The following ARHGAP42 variants were observed in gnomAD, a reference collection of about 807,000 sequenced individuals.
ARHGAP42 encodes the protein rho GTPase-activating protein 42.
Under a neutral mutation model 125.0 loss-of-function variants are expected in ARHGAP42, and 63 were observed. The ratio of observed to expected loss-of-function variants is 0.50; its 90% confidence interval spans 0.41 to 0.62. The LOEUF (loss-of-function observed/expected upper bound fraction) is 0.62, where lower values mean the gene tolerates loss of function less well. Ranked by LOEUF, ARHGAP42 falls within the 20% of genes least tolerant of loss-of-function variation. The pLI is 0.00. For synonymous variants in ARHGAP42, 339 were observed against 351.0 expected, an observed-to-expected ratio of 0.97 and a Z score of 0.38; for missense variants, 766 against 1,024.2, an observed-to-expected ratio of 0.75 and a Z score of 3.44.
chr11:100,989,369 A>G lies in ARHGAP42; in HGVS notation c.*568A>G. 2.7e-6 allele frequency: 1 copy of G among 367,286 alleles called. No individual in the cohort carries two copies. The allele number at this position is 367,286 out of a possible 1,614,324, so 22.8% of individuals were successfully genotyped here. ...TTCCAAGTAGATGATAATATTCAAA[A>G]GCAATAATGTATATGATATCTATAA... is the stretch of plus-strand genomic sequence containing the variant. On this transcript the variant is annotated 3_prime_UTR_variant, in exon 24 of 24. Transcript: ENST00000298815.
intron 4 of ARHGAP42, among the ~76,000 whole-genome samples, chr11:100,879,835 A>G (rs1027433855): frequency 6.6e-6 from 1 of 152,022 alleles, no homozygotes; most frequent in Non-Finnish European, 1.5e-5. Flanking sequence ...TTCAGGTGAG[A>G]GGGTCGTTTG....
chr11:100,834,836 T>C lies in ARHGAP42; in HGVS notation c.313-24718T>C, dbSNP rs539181148. Among the ~76,000 whole-genome samples, 333 of 149,404 alleles carry C rather than the reference T, an allele frequency of 2.2e-3. 3 individuals carry two copies. Among genetic ancestry groups the C allele is most frequent in the African/African-American group, 7.7e-3 (315 of 40,730 alleles). On this transcript the variant is annotated intron_variant, in intron 3 of 23. Coordinates refer to ENST00000298815, the MANE Select transcript of ARHGAP42 (RefSeq NM_152432.4). Reference sequence around the variant, plus strand: ...CCTTCTGCTTTGGACAGGGAACTTCTGAGTCCTTTTTTTTTTTTTTTCTTT... The same window carrying C: ...CCTTCTGCTTTGGACAGGGAACTTCCGAGTCCTTTTTTTTTTTTTTTCTTT...
intron 20 of ARHGAP42, 121 bp from the exon 21 acceptor site, chr11:100,976,694 A>G (rs1858399639): frequency 2.3e-6 from 3 of 1,291,870 alleles, no homozygotes; most frequent in African/African-American, 1.5e-5. Context: ...CTCAAAGAAC[A>G]TTCTGTACCT....
chr11:100,716,004 G>A (rs550880381), intron 1 of ARHGAP42, among the ~76,000 whole-genome samples: 7 of 152,314 alleles, frequency 4.6e-5, no homozygotes, highest in African/African-American at 1.7e-4. Flanking sequence ...GTACAGGGCA[G>A]CAGGGACAGC....
chr11:100,828,312 T>C (rs1294304125), intron 3 of ARHGAP42, among the ~76,000 whole-genome samples: 1 of 152,138 alleles, frequency 6.6e-6, no homozygotes, highest in African/African-American at 2.4e-5. Flanking sequence ...ACTCTTGTGG[T>C]TTTGCTTAGA....
intron 2 of ARHGAP42, among the ~76,000 whole-genome samples, chr11:100,775,881 C>G (rs927056232): frequency 6.6e-6 from 1 of 151,970 alleles, no homozygotes; most frequent in African/African-American, 2.4e-5. Flanking sequence ...ATATTGTGGC[C>G]GGGTACGGTG....
chr11:100,816,267 A>G (rs1864263445), intron 3 of ARHGAP42, among the ~76,000 whole-genome samples: 1 of 152,148 alleles, frequency 6.6e-6, no homozygotes, highest in South Asian at 2.1e-4. Context: ...CAATCCCACT[A>G]ACAGAGCACA....
intron 1 of ARHGAP42, among the ~76,000 whole-genome samples, chr11:100,713,138 G>C (rs1861593052): frequency 6.6e-6 from 1 of 152,134 alleles, no homozygotes; most frequent in Non-Finnish European, 1.5e-5. Context: ...AACAGATTTA[G>C]GTTTTAAGAT....
intron 3 of ARHGAP42, among the ~76,000 whole-genome samples, chr11:100,827,297 C>A (rs1864542323): frequency 6.6e-6 from 1 of 152,156 alleles, no homozygotes; most frequent in Admixed American, 6.5e-5. Context: ...GCCACAACGT[C>A]CGGCCAAGCC....
chr11:100,718,009 A>C (rs1473357092), intron 1 of ARHGAP42, among the ~76,000 whole-genome samples: 1 of 152,146 alleles, frequency 6.6e-6, no homozygotes, highest in Non-Finnish European at 1.5e-5. Context: ...TTTTATAAGT[A>C]CACATGCATG....
intron 1 of ARHGAP42, among the ~76,000 whole-genome samples, chr11:100,766,516 G>GT (rs1181323184): frequency 1.3e-5 from 2 of 152,128 alleles, no homozygotes; most frequent in African/African-American, 4.8e-5. Context: ...CAGCTCTTCT[G>GT]TTTTTTGTGC....
chr11:100,731,727 A>C (rs1861962098), intron 1 of ARHGAP42, among the ~76,000 whole-genome samples: 1 of 152,108 alleles, frequency 6.6e-6, no homozygotes, highest in African/African-American at 2.4e-5. Flanking sequence ...TAAGAAGAGA[A>C]TCTTAGTGTG....
intron 3 of ARHGAP42, among the ~76,000 whole-genome samples, chr11:100,818,294 T>C (rs183686779): frequency 1.3e-5 from 2 of 151,954 alleles, no homozygotes; most frequent in Non-Finnish European, 1.5e-5. Context: ...TGTGCCATGA[T>C]AGATACGATT....
intron 3 of ARHGAP42, among the ~76,000 whole-genome samples, chr11:100,825,704 T>C (rs78169527): frequency 0.022 from 3,323 of 152,266 alleles, 55 homozygotes; most frequent in Middle Eastern, 0.054. Context: ...TTAAATCTGC[T>C]TCAAAGTGTC....
intron 4 of ARHGAP42, among the ~76,000 whole-genome samples, chr11:100,866,409 A>G (rs1865571299): frequency 6.6e-6 from 1 of 152,192 alleles, no homozygotes; most frequent in Non-Finnish European, 1.5e-5. Flanking sequence ...TTTTCAATTT[A>G]CCTTGCCTAG....
intron 1 of ARHGAP42, among the ~76,000 whole-genome samples, chr11:100,689,195 TAATG>T (rs1212559312): frequency 6.6e-6 from 1 of 152,228 alleles, no homozygotes; most frequent in Non-Finnish European, 1.5e-5. Context: ...CTACTACTAA[TAATG>T]GTATTTACTG....
At chr11:100,987,615 C>A in intron 23 of ARHGAP42, 23 bp downstream of exon 23, 1 of 1,543,634 alleles carries the variant, frequency 6.5e-7, no homozygotes, top group Non-Finnish European at 8.8e-7. Flanking sequence ...ATTCCCTCTG[C>A]CTAAGTTTGT....
chr11:100,947,248 G>T (rs979795572), intron 10 of ARHGAP42, among the ~76,000 whole-genome samples: 3 of 151,734 alleles, frequency 2.0e-5, no homozygotes, highest in African/African-American at 7.3e-5. Flanking sequence ...TTTCCTAAAT[G>T]GTTAAGACTA....
At chr11:100,980,743 G>A (rs1432675632) in intron 22 of ARHGAP42, among the ~76,000 whole-genome samples, 3 of 146,238 alleles carry the variant, frequency 2.1e-5, no homozygotes, top group Non-Finnish European at 4.5e-5. Flanking sequence ...GCTAATTTTT[G>A]TAATTTTAGT....
Sources: gnomAD v4.1 joint callset for allele counts (sites outside exome capture counted in the v4.1 genomes callset) on GRCh38, gnomAD v4.1.1 for gene constraint, MANE v1.5 for transcripts, NCBI Gene and HGNC (gene_info 2026-07-23, HGNC 2026-07-21) for gene names.